CIAO3: variants seen among roughly 807,000 people sequenced by gnomAD.
CIAO3 encodes the protein LET1 like/JFP15.
Under a neutral mutation model 51.5 loss-of-function variants are expected in CIAO3, and 45 were observed. That is an observed-to-expected ratio of 0.87 (90% confidence interval 0.69 to 1.12). The LOEUF (loss-of-function observed/expected upper bound fraction) is 1.12. Ranked by LOEUF, CIAO3 falls within the 50% of genes most tolerant of loss-of-function variation. The probability of loss-of-function intolerance (pLI) is 0.00; values close to 1 mark genes in which losing one functional copy is unlikely to be tolerated. For missense variants in CIAO3, 668 were observed against 632.5 expected, an observed-to-expected ratio of 1.06 and a Z score of -0.60; for synonymous variants, 314 against 269.3, an observed-to-expected ratio of 1.17 and a Z score of -1.63.
chr16:733,605 G>T, intron 6 of CIAO3, 178 bp from the exon 7 acceptor site: 1 of 880,786 alleles, frequency 1.1e-6, no homozygotes, highest in Non-Finnish European at 1.7e-6. Flanking sequence ...GACGGGCCCT[G>T]GCTGTGACAG....
At chr16:734,545 T>A in intron 5 of CIAO3, 192 bp downstream of exon 5, 1 of 1,062,718 alleles carries the variant, frequency 9.4e-7, no homozygotes, top group Non-Finnish European at 1.4e-6. Flanking sequence ...CTGAGGTGAC[T>A]GCGCGTGGCT....
At position 730,202 on chromosome 16, in the gene CIAO3, C is replaced by T. The variant is rs2041257642; in HGVS notation, c.*215G>A. 1 of 598,664 alleles carries T rather than the reference C, an allele frequency of 1.7e-6. No homozygotes were observed. The highest frequency in any genetic ancestry group is 3.0e-6 in the Non-Finnish European group (1 of 337,910). The allele number at this position is 598,664 out of a possible 1,614,324, so 37.1% of individuals were successfully genotyped here. A position where few individuals can be genotyped will look rare whatever the true frequency, so the allele number is the denominator to read the frequency against. ...AGGGAACCTTCTGCTGCCTGGGCCA[C>T]CCCACCCCACCTGGGCAGAGCCAGT... On this transcript the variant is annotated 3_prime_UTR_variant, in exon 11 of 11. Coordinates refer to ENST00000251588, the MANE Select transcript of CIAO3 (RefSeq NM_022493.3).
intron 9 of CIAO3, 79 bp from the exon 10 acceptor site, chr16:731,079 C>T: frequency 6.4e-7 from 1 of 1,567,744 alleles, no homozygotes; most frequent in Non-Finnish European, 8.7e-7. Flanking sequence ...GCCTGCTGGG[C>T]TTCAGGGGAT....
chr16:737,759 G>C lies in CIAO3; in HGVS notation c.163-430C>G. On this transcript the variant is annotated intron_variant, in intron 2 of 10. Coordinates refer to ENST00000251588, the MANE Select transcript of CIAO3 (RefSeq NM_022493.3). The surrounding 1 kb of genome is among the most constrained non-coding windows in gnomAD (Gnocchi z 5.3). ...AAAGGACGAAGGCACAGGAAGAGGAGAGCAGAGGGAGGAAGCCTGGGAGCC... is the reference window on the plus strand; with the variant it reads ...AAAGGACGAAGGCACAGGAAGAGGACAGCAGAGGGAGGAAGCCTGGGAGCC... 8.0e-7 allele frequency: 1 copy of C among 1,244,132 alleles called. No homozygotes were observed. The highest frequency in any genetic ancestry group is 1.0e-6 in the Non-Finnish European group (1 of 965,718). 77.1% of individuals were successfully genotyped at this position (1,244,132 alleles called of 1,614,324 possible). A position where few individuals can be genotyped will look rare whatever the true frequency, so the allele number is the denominator to read the frequency against.
At chr16:739,941 C>A (rs1267221755) in intron 1 of CIAO3, 60 of 1,413,678 alleles carry the variant, frequency 4.2e-5, no homozygotes, top group Non-Finnish European at 5.6e-5. Flanking sequence ...TCCTGCGGCA[C>A]TGAAGTTCCC....
intron 4 of CIAO3, among the ~76,000 whole-genome samples, chr16:735,717 T>C (rs4984688): frequency 0.58 from 88,034 of 152,044 alleles, 26,527 homozygotes; most frequent in East Asian, 0.84. Flanking sequence ...GTGAGGGACC[T>C]GGGACACAGC....
intron 1 of CIAO3, 118 bp from the exon 2 acceptor site, chr16:739,856 C>A: frequency 8.0e-7 from 1 of 1,245,492 alleles, no homozygotes. Context: ...AGGAGCCATG[C>A]ACTCAGGGAC....
In CIAO3 at chr16:731,737, G is replaced by A. The variant is rs745815237; in HGVS notation, c.897-35C>T. 4.6e-6 allele frequency: 7 copies of A among 1,509,418 alleles called. No homozygotes were observed. In the East Asian group the frequency reaches 1.7e-4, roughly 37 times the overall value. 93.5% of individuals were successfully genotyped at this position (1,509,418 alleles called of 1,614,324 possible). A position where few individuals can be genotyped will look rare whatever the true frequency, so the allele number is the denominator to read the frequency against. ...AGGGAGGGGCCTCAGCACAGCTGGG[G>A]CTGCTGCCTGCCAACCTCCCGAGCA... On this transcript the variant is annotated intron_variant, in intron 8 of 10. Transcript: ENST00000251588.
rs1159717704 is a variant in CIAO3 at position 734,831 on chromosome 16, G to C, written c.480C>G (p.Phe160Leu). The C allele has an allele frequency of 1.3e-6, 2 of 1,591,992 alleles. No homozygotes were observed. The highest frequency in any genetic ancestry group is 3.4e-5 in the Admixed American group (2 of 59,012). The change falls in exon 5 of 11, where the codon TTC (phenylalanine) becomes TTG (leucine). Residue 160 changes from phenylalanine to leucine, a missense_variant. Phe to Leu is a conservative substitution (Grantham distance 22). Coordinates refer to ENST00000251588, the MANE Select transcript of CIAO3 (RefSeq NM_022493.3). ...ACTCTCGCTGGCTCTCCAGGAGGCT[G>C]AAGTGCCTTGAGAAGGCGGTGTCGA... is the stretch of plus-strand genomic sequence containing the variant. ...FVFDTAFSRH[F>L]SLLESQREFV...
intron 2 of CIAO3, among the ~76,000 whole-genome samples, chr16:738,838 G>C (rs1344106227): frequency 6.7e-6 from 1 of 148,912 alleles, no homozygotes; most frequent in East Asian, 2.0e-4. Context: ...AGTACAGATG[G>C]GGGTTGGCCA....
chr16:729,959 G>T lies in CIAO3; in HGVS notation c.*458C>A. 1 of 343,890 alleles carries T rather than the reference G, an allele frequency of 2.9e-6. No individual in the cohort carries two copies. Among genetic ancestry groups the T allele is most frequent in the Non-Finnish European group, 5.5e-6 (1 of 182,418 alleles). 21.3% of individuals were successfully genotyped at this position (343,890 alleles called of 1,614,324 possible). On this transcript the variant is annotated 3_prime_UTR_variant, in exon 11 of 11. Coordinates refer to ENST00000251588, the MANE Select transcript of CIAO3 (RefSeq NM_022493.3). ...GCCAGGGTCCACACGCAGGGTTGTG[G>T]CGGGACCACCCCTGCAGGTCCAGCT...
At chr16:733,702 C>G (rs2041308058) in intron 6 of CIAO3, 2 of 469,442 alleles carry the variant, frequency 4.3e-6, no homozygotes, top group African/African-American at 3.9e-5. Flanking sequence ...ACGGCTCGGG[C>G]CGTCTCACTG....
At chr16:739,957 G>A in intron 1 of CIAO3, 1 of 1,451,320 alleles carries the variant, frequency 6.9e-7, no homozygotes, top group Non-Finnish European at 9.3e-7. Flanking sequence ...TTCCCAGTGT[G>A]CAGGAAGGCC....
At position 730,931 on chromosome 16, in the gene CIAO3, G is replaced by A; in HGVS notation, c.1104C>T (p.Tyr368=). ...CCAGGTTCTGGATGTTGCGGAAGCC[G>A]TACGCCATTGCGAAGTGCAGCAGCA... ...GQVLLHFAMA[Y]GFRNIQNLVQ... The change falls in exon 10 of 11, where the codon TAC becomes TAT. Residue 368 remains tyrosine, a synonymous_variant. Coordinates refer to ENST00000251588, the MANE Select transcript of CIAO3 (RefSeq NM_022493.3). 2.5e-6 allele frequency: 4 copies of A among 1,612,972 alleles called. No individual in the cohort carries two copies. The highest frequency in any genetic ancestry group is 2.5e-6 in the Non-Finnish European group (3 of 1,180,006).
intron 10 of CIAO3, 39 bp from the exon 11 acceptor site, chr16:730,694 C>T: frequency 1.9e-6 from 3 of 1,592,650 alleles, no homozygotes; most frequent in Non-Finnish European, 2.6e-6. Context: ...ACAGCCTGCG[C>T]CCCAGCCAAG....
At chr16:738,346 T>C in intron 2 of CIAO3, 1 of 964,514 alleles carries the variant, frequency 1.0e-6, no homozygotes, top group East Asian at 1.5e-4. Context: ...ATTTTAATAG[T>C]TTCTTTTTTT....
intron 6 of CIAO3, 68 bp from the exon 7 acceptor site, chr16:733,495 C>T: frequency 1.2e-6 from 2 of 1,603,168 alleles, no homozygotes; most frequent in Non-Finnish European, 1.7e-6. Context: ...GGACCTGGAA[C>T]TCAGCCATCC....
At chr16:740,898 C>G (rs2041383723) in intron 1 of CIAO3, 22 bp downstream of exon 1, 1 of 1,528,068 alleles carries the variant, frequency 6.5e-7, no homozygotes, top group African/African-American at 1.4e-5. Flanking sequence ...AGCCTCGACC[C>G]CGCCCGCCCA....
chr16:733,228 C>T, intron 7 of CIAO3, 70 bp downstream of exon 7: 1 of 1,581,680 alleles, frequency 6.3e-7, no homozygotes, highest in African/African-American at 1.3e-5. Context: ...GGGCAGTCGC[C>T]ACCTGTGCCC....
Sources: gnomAD v4.1 joint callset for allele counts (sites outside exome capture counted in the v4.1 genomes callset) on GRCh38, gnomAD v4.1.1 for gene constraint, Gnocchi (gnomAD v3.1) non-coding constraint, MANE v1.5 for transcripts, NCBI Gene and HGNC (gene_info 2026-07-23, HGNC 2026-07-21) for gene names.